Variants in TNIK observed in about 807,000 individuals in gnomAD.
The protein encoded by TNIK is TRAF2 and NCK-interacting protein kinase.
In TNIK, 49 loss-of-function variants were observed where a neutral mutation model predicts 191.3. That is an observed-to-expected ratio of 0.26 (90% CI 0.20 to 0.32). The LOEUF is 0.32. TNIK is among the 10% of genes least tolerant of loss of function. The pLI is 1.00. For synonymous variants in TNIK, 594 were observed against 600.9 expected, an observed-to-expected ratio of 0.99 and a Z score of 0.17; for missense variants, 1,155 against 1,702.3, an observed-to-expected ratio of 0.68 and a Z score of 5.66.
rs1366528290 is a variant in TNIK at position 171,107,121 on chromosome 3, TTAGGAAA to T, written c.2406+55_2406+61del. The stretch of plus-strand genomic sequence containing the variant: ...TTGGCCACCTTTCTGAATGTCAACA[TTAGGAAA>T]TAAGTTTAATATTTACATTTTGTGA... On this transcript the variant is annotated intron_variant, in intron 21 of 32. Transcript: ENST00000436636. 5.2e-6 allele frequency: 8 copies of T among 1,547,322 alleles called. No individual in the cohort carries two copies. The African/African-American group carries it at 1.1e-4, about 21-fold the overall frequency.
intron 1 of TNIK, among the ~76,000 whole-genome samples, chr3:171,408,761 T>C (rs1722030204): frequency 6.6e-6 from 1 of 152,220 alleles, no homozygotes; most frequent in Non-Finnish European, 1.5e-5. Flanking sequence ...ATTTTCCCTC[T>C]GGCTGAACCC....
intron 1 of TNIK, among the ~76,000 whole-genome samples, chr3:171,373,493 C>G (rs375705490): frequency 7.2e-5 from 11 of 152,206 alleles, no homozygotes; most frequent in African/African-American, 2.7e-4. Flanking sequence ...ATTCACACAA[C>G]AGGCTTCATC....
chr3:171,413,804 C>G (rs1477635220), intron 1 of TNIK, among the ~76,000 whole-genome samples: 1 of 152,160 alleles, frequency 6.6e-6, no homozygotes, highest in Non-Finnish European at 1.5e-5. Flanking sequence ...AGTCAAATCC[C>G]AGCCTTGCCA....
intron 2 of TNIK, among the ~76,000 whole-genome samples, chr3:171,350,965 T>C (rs1292420351): frequency 6.6e-6 from 1 of 152,090 alleles, no homozygotes; most frequent in Non-Finnish European, 1.5e-5. Flanking sequence ...ATATTCTTTT[T>C]TCTTAACCTC....
chr3:171,294,282 G>T (rs772166636), intron 2 of TNIK, among the ~76,000 whole-genome samples: 4 of 151,956 alleles, frequency 2.6e-5, no homozygotes, highest in Admixed American at 6.5e-5. Flanking sequence ...AACTAGCCAG[G>T]CATGATGGCA....
chr3:171,259,996 C>A (rs1255063897), intron 2 of TNIK, among the ~76,000 whole-genome samples: 4 of 152,190 alleles, frequency 2.6e-5, no homozygotes, highest in Admixed American at 2.6e-4. Flanking sequence ...CTATGCACTT[C>A]CTTGTAAAAT....
At chr3:171,077,071 T>TTC (rs376107233) in intron 28 of TNIK, among the ~76,000 whole-genome samples, 54 of 142,980 alleles carry the variant, frequency 3.8e-4, no homozygotes, top group African/African-American at 1.4e-3. Context: ...CCTTTCTTGT[T>TTC]CCCCCCCCCC....
At chr3:171,384,000 C>T (rs1718408477) in intron 1 of TNIK, among the ~76,000 whole-genome samples, 1 of 152,210 alleles carries the variant, frequency 6.6e-6, no homozygotes, top group Non-Finnish European at 1.5e-5. Context: ...TCAGCTACAG[C>T]CTCCAGCTCA....
At chr3:171,348,274 AC>A (rs1445240220) in intron 2 of TNIK, among the ~76,000 whole-genome samples, 2 of 152,198 alleles carry the variant, frequency 1.3e-5, no homozygotes, top group Admixed American at 6.5e-5. Flanking sequence ...GTTTAAGTCA[AC>A]CTTTCTATAG....
intron 18 of TNIK, among the ~76,000 whole-genome samples, chr3:171,119,707 A>C (rs1727352145): frequency 1.3e-5 from 2 of 152,004 alleles, no homozygotes; most frequent in South Asian, 2.1e-4. Flanking sequence ...AAAAAAAAAC[A>C]AACACTGCAT....
In TNIK at chr3:171,460,093, A is replaced by G. The variant is rs1326554739; in HGVS notation, c.-30T>C. ...ACTTCTTCGCTGGAGAAATGGACCA[A>G]AACCACCCCGAAGCTTTTCCCTTGG... On this transcript the variant is annotated 5_prime_UTR_variant, in exon 1 of 33. Coordinates refer to ENST00000436636, the MANE Select transcript of TNIK (RefSeq NM_015028.4). The surrounding 1 kb of genome is among the most constrained non-coding windows in gnomAD (Gnocchi z 6.8). 1 of 1,591,786 alleles carries G rather than the reference A, an allele frequency of 6.3e-7. No individual in the cohort carries two copies. The highest frequency in any genetic ancestry group is 8.6e-7 in the Non-Finnish European group (1 of 1,168,760).
At chr3:171,187,597 A>G (rs751604714) in intron 7 of TNIK, among the ~76,000 whole-genome samples, 3 of 152,184 alleles carry the variant, frequency 2.0e-5, no homozygotes, top group Non-Finnish European at 4.4e-5. Flanking sequence ...ATACTGTTCA[A>G]TTGATAAATT....
intron 3 of TNIK, among the ~76,000 whole-genome samples, chr3:171,213,195 A>C (rs1741052287): frequency 6.6e-6 from 1 of 152,056 alleles, no homozygotes; most frequent in Admixed American, 6.6e-5. Flanking sequence ...CCAATGTCTT[A>C]CTATGGTGCA....
At chr3:171,346,211 T>C (rs1367305709) in intron 2 of TNIK, among the ~76,000 whole-genome samples, 2 of 152,138 alleles carry the variant, frequency 1.3e-5, no homozygotes, top group African/African-American at 2.4e-5. Flanking sequence ...TGATCATTAA[T>C]TACTCTAAAA....
chr3:171,314,512 C>T (rs1017844897), intron 2 of TNIK, among the ~76,000 whole-genome samples: 5 of 152,108 alleles, frequency 3.3e-5, no homozygotes, highest in East Asian at 1.9e-4. Flanking sequence ...TGTGGTTTCA[C>T]GGATATGATC....
intron 1 of TNIK, among the ~76,000 whole-genome samples, chr3:171,455,795 A>C (rs1728730901): frequency 6.6e-6 from 1 of 152,182 alleles, no homozygotes; most frequent in South Asian, 2.1e-4. Flanking sequence ...AGAACTGGGG[A>C]GACAGGGTTC....
intron 2 of TNIK, among the ~76,000 whole-genome samples, chr3:171,330,987 G>T (rs75695033): frequency 1.3e-5 from 2 of 152,114 alleles, no homozygotes; most frequent in African/African-American, 2.4e-5. Flanking sequence ...ACACCACCAC[G>T]AGTTATAGAG....
At chr3:171,440,611 G>T (rs959188938) in intron 1 of TNIK, among the ~76,000 whole-genome samples, 3 of 152,308 alleles carry the variant, frequency 2.0e-5, no homozygotes, top group East Asian at 1.9e-4. Context: ...AAGGAGTTTA[G>T]CCTATGCTGT....
intron 1 of TNIK, among the ~76,000 whole-genome samples, chr3:171,448,927 G>A (rs6779926): frequency 0.11 from 16,349 of 151,100 alleles, 997 homozygotes; most frequent in East Asian, 0.21. Context: ...GACAAGCCCC[G>A]GTGTGTGTTA....
Sources: gnomAD v4.1 joint callset for allele counts (sites outside exome capture counted in the v4.1 genomes callset) on GRCh38, gnomAD v4.1.1 for gene constraint, Gnocchi (gnomAD v3.1) non-coding constraint, MANE v1.5 for transcripts, NCBI Gene and HGNC (gene_info 2026-07-23, HGNC 2026-07-21) for gene names.